The following GPR176 variants were observed in gnomAD, a reference collection of about 807,000 sequenced individuals.
GPR176 encodes G-protein coupled receptor 176.
A neutral mutation model predicts 35.4 loss-of-function variants in GPR176; 26 were observed. The observed-to-expected ratio is 0.74, with a 90% confidence interval of 0.54 to 1.02. The LOEUF is 1.02. GPR176 is among the 50% of genes least tolerant of loss of function. GPR176 has a pLI of 0.00. For synonymous variants in GPR176, 278 were observed against 271.3 expected, an observed-to-expected ratio of 1.02 and a Z score of -0.24; for missense variants, 597 against 665.3, an observed-to-expected ratio of 0.90 and a Z score of 1.13.
chr15:39,821,008 T>C (rs1290107973), intron 1 of GPR176, among the ~76,000 whole-genome samples: 3 of 152,220 alleles, frequency 2.0e-5, no homozygotes, highest in Non-Finnish European at 2.9e-5. Flanking sequence ...CTTTGTAACA[T>C]TTTCTAAGCA....
At chr15:39,890,229 G>C (rs1162241377) in intron 1 of GPR176, among the ~76,000 whole-genome samples, 1 of 152,110 alleles carries the variant, frequency 6.6e-6, no homozygotes, top group African/African-American at 2.4e-5. Flanking sequence ...TCTCTTTTCT[G>C]TGAACATAAA....
chr15:39,845,754 C>A (rs2030377715), intron 1 of GPR176, among the ~76,000 whole-genome samples: 1 of 151,986 alleles, frequency 6.6e-6, no homozygotes, highest in African/African-American at 2.4e-5. Context: ...AAGTGCAAGC[C>A]CTGAAGCATA....
At chr15:39,815,725 G>C (rs1363501256) in intron 1 of GPR176, among the ~76,000 whole-genome samples, 1 of 152,166 alleles carries the variant, frequency 6.6e-6, no homozygotes, top group Non-Finnish European at 1.5e-5. Flanking sequence ...CAGCCATTAT[G>C]ACAAACACCA....
At chr15:39,807,367 T>C in intron 1 of GPR176, 109 bp from the exon 2 acceptor site, 1 of 777,678 alleles carries the variant, frequency 1.3e-6, no homozygotes. Context: ...AGAGTTGATT[T>C]CAAAAGATTT....
At chr15:39,847,101 T>C (rs1381624958) in intron 1 of GPR176, among the ~76,000 whole-genome samples, 2 of 152,092 alleles carry the variant, frequency 1.3e-5, no homozygotes, top group African/African-American at 2.4e-5. Flanking sequence ...ATGTGTTTAA[T>C]AGATTGCCTA....
intron 1 of GPR176, among the ~76,000 whole-genome samples, chr15:39,854,528 T>C (rs1419074230): frequency 6.6e-6 from 1 of 152,202 alleles, no homozygotes; most frequent in African/African-American, 2.4e-5. Context: ...CTCTATCTTG[T>C]TCCCTGACAT....
chr15:39,820,343 C>G (rs1900191096), intron 1 of GPR176, among the ~76,000 whole-genome samples: 1 of 152,170 alleles, frequency 6.6e-6, no homozygotes, highest in South Asian at 2.1e-4. Flanking sequence ...AACACTTAAC[C>G]TTGCTCTGAC....
intron 2 of GPR176, 39 bp from the exon 3 acceptor site, chr15:39,802,293 A>G: frequency 6.7e-7 from 1 of 1,481,636 alleles, no homozygotes; most frequent in Non-Finnish European, 9.1e-7. Flanking sequence ...CACAGAAGAT[A>G]CTTTTTAAAT....
At chr15:39,886,174 G>A (rs1416698029) in intron 1 of GPR176, among the ~76,000 whole-genome samples, 6 of 151,918 alleles carry the variant, frequency 3.9e-5, no homozygotes, top group South Asian at 2.1e-4. Context: ...AGGAGGTTGC[G>A]GTGAGCCCAG....
intron 1 of GPR176, among the ~76,000 whole-genome samples, chr15:39,916,274 TTGAAGAGGAATCTAAATTATTTTAC>T (rs1372416760): frequency 6.6e-6 from 1 of 152,222 alleles, no homozygotes; most frequent in African/African-American, 2.4e-5. Flanking sequence ...ATTGGTGCCA[TTGAAGAGGAATCTAAATTATTTTAC>T]TCTATTTCAG....
chr15:39,869,536 G>A (rs955516795), intron 1 of GPR176, among the ~76,000 whole-genome samples: 24 of 152,178 alleles, frequency 1.6e-4, no homozygotes, highest in African/African-American at 5.6e-4. Context: ...TGTTTACAGA[G>A]CACATCTGTG....
At chr15:39,890,880 C>A (rs773056410) in intron 1 of GPR176, among the ~76,000 whole-genome samples, 10 of 152,180 alleles carry the variant, frequency 6.6e-5, no homozygotes, top group Non-Finnish European at 1.2e-4. Flanking sequence ...TCCATAAGGC[C>A]ATATACTAAA....
chr15:39,809,950 C>T (rs1331653374), intron 1 of GPR176, among the ~76,000 whole-genome samples: 1 of 152,014 alleles, frequency 6.6e-6, no homozygotes, highest in Non-Finnish European at 1.5e-5. Context: ...TCGAGACCAT[C>T]CTGGCTAACA....
At chr15:39,882,135 G>T (rs2032498900) in intron 1 of GPR176, among the ~76,000 whole-genome samples, 1 of 152,130 alleles carries the variant, frequency 6.6e-6, no homozygotes, top group African/African-American at 2.4e-5. Flanking sequence ...AACTACAGAA[G>T]CATTACTCAA....
At position 39,802,042 on chromosome 15, in the gene GPR176, G is replaced by A. The variant is rs764510230; in HGVS notation, c.638C>T (p.Thr213Met). Residue 213 changes from threonine (T) to methionine (M), a missense_variant, in exon 3 of 3, where the codon ACG becomes ATG. Around this residue, in one of 3 missense-constraint regions of GPR176, gnomAD observed 220 missense variants for 297.6 expected, o/e 0.74. Transcript: ENST00000561100. Reference sequence around the variant, plus strand: ...CACCACCACCACAGGCACAATGACCGTGGTGATGTTATACACCAGAACGTA... The same window carrying A: ...CACCACCACCACAGGCACAATGACCATGGTGATGTTATACACCAGAACGTA... ...LVYVLVYNITTVIVPVVVVFL... is the reference protein window; with the variant it reads ...LVYVLVYNITMVIVPVVVVFL... The A allele has an allele frequency of 6.8e-6, 11 of 1,613,964 alleles. No homozygotes were observed. Among genetic ancestry groups the A allele is most frequent in the Middle Eastern group, 1.6e-4 (1 of 6,082 alleles).
At chr15:39,865,973 TTAAA>T (rs1263533720) in intron 1 of GPR176, among the ~76,000 whole-genome samples, 1 of 151,464 alleles carries the variant, frequency 6.6e-6, no homozygotes, top group Non-Finnish European at 1.5e-5. Flanking sequence ...AGGGAACCAG[TTAAA>T]TAAATTATAT....
At chr15:39,841,777 A>T (rs2030011069) in intron 1 of GPR176, among the ~76,000 whole-genome samples, 1 of 152,100 alleles carries the variant, frequency 6.6e-6, no homozygotes, top group Non-Finnish European at 1.5e-5. Context: ...AACTAATATA[A>T]CTTCTGATCA....
At chr15:39,886,077 T>C (rs566773715) in intron 1 of GPR176, among the ~76,000 whole-genome samples, 2 of 151,956 alleles carry the variant, frequency 1.3e-5, no homozygotes, top group African/African-American at 4.8e-5. Flanking sequence ...CTAATAAAAA[T>C]ACAAAATTAG....
chr15:39,904,227 C>T (rs1295788199), intron 1 of GPR176, among the ~76,000 whole-genome samples: 1 of 152,186 alleles, frequency 6.6e-6, no homozygotes, highest in Non-Finnish European at 1.5e-5. Context: ...CCTCCCATCT[C>T]ATCCTATAAG....
Sources: gnomAD v4.1 joint callset for allele counts (sites outside exome capture counted in the v4.1 genomes callset) on GRCh38, gnomAD v4.1.1 for gene constraint, gnomAD v4.1.1 regional missense constraint, MANE v1.5 for transcripts, NCBI Gene and HGNC (gene_info 2026-07-23, HGNC 2026-07-21) for gene names.